The following VIPR1 variants were observed in gnomAD, a reference collection of about 807,000 sequenced individuals.
The protein encoded by VIPR1 is vasoactive intestinal polypeptide receptor 1.
Under a neutral mutation model 58.8 loss-of-function variants are expected in VIPR1, and 59 were observed. The ratio of observed to expected loss-of-function variants is 1.00; its 90% confidence interval spans 0.81 to 1.25. The LOEUF (loss-of-function observed/expected upper bound fraction) is 1.25, where lower values mean the gene tolerates loss of function less well. Among genes scored for constraint, VIPR1 ranks in the 50% most tolerant of loss-of-function variants. VIPR1 has a pLI of 0.00. For synonymous variants in VIPR1, 251 were observed against 242.1 expected (o/e 1.04, Z -0.34); for missense variants, 626 against 602.7 (o/e 1.04, Z -0.40).
intron 4 of VIPR1, 108 bp downstream of exon 4, chr3:42,526,101 C>T: frequency 3.7e-6 from 4 of 1,068,888 alleles, no homozygotes; most frequent in Non-Finnish European, 5.4e-6. Flanking sequence ...GGGAACAGGA[C>T]TCCTGGAGTC....
chr3:42,514,340 A>T (rs922122002), intron 2 of VIPR1, among the ~76,000 whole-genome samples: 1 of 152,130 alleles, frequency 6.6e-6, no homozygotes, highest in Non-Finnish European at 1.5e-5. Context: ...AGGCACATTC[A>T]GTCACAATAT....
In VIPR1 at chr3:42,535,497, G is replaced by A. The variant is rs1038503411; in HGVS notation, c.1182+113G>A. 6 of 1,196,540 alleles carry A rather than the reference G, an allele frequency of 5.0e-6. No individual in the cohort carries two copies. In the African/African-American group the frequency reaches 7.5e-5, roughly 15 times the overall value. 74.1% of individuals were successfully genotyped at this position (1,196,540 alleles called of 1,614,324 possible). ...GACGGGTTAAACCTTGCTGCTCCAA[G>A]TATGGTCCTCAAACTAGTAGCACTG... is the stretch of plus-strand genomic sequence containing the variant. On this transcript the variant is annotated intron_variant, in intron 12 of 12. Transcript: ENST00000325123.
intron 10 of VIPR1, 103 bp from the exon 11 acceptor site, chr3:42,534,872 A>AT: frequency 6.9e-7 from 1 of 1,455,022 alleles, no homozygotes; most frequent in South Asian, 1.3e-5. Flanking sequence ...CTTCCTGGTC[A>AT]TTGTCCCCAT....
At chr3:42,517,986 A>G (rs1700721300) in intron 2 of VIPR1, among the ~76,000 whole-genome samples, 1 of 152,012 alleles carries the variant, frequency 6.6e-6, no homozygotes, top group African/African-American at 2.4e-5. Context: ...GGTGATGAGT[A>G]TATTGGGATG....
chr3:42,513,658 C>A, intron 1 of VIPR1, 91 bp from the exon 2 acceptor site: 1 of 1,356,594 alleles, frequency 7.4e-7, no homozygotes, highest in Non-Finnish European at 1.0e-6. Flanking sequence ...GGATCTCTTC[C>A]AGGGAGAGGG....
upstream of VIPR1, among the ~76,000 whole-genome samples, chr3:42,501,456 G>C (rs1316841304): frequency 6.6e-6 from 1 of 152,146 alleles, no homozygotes; most frequent in Non-Finnish European, 1.5e-5. The surrounding 1 kb of genome is among the most constrained non-coding windows in gnomAD (Gnocchi z 4.8). Context: ...TCTGTCACAC[G>C]GCTCCGCCAG....
chr3:42,498,391 A>G (rs1366178918), upstream of VIPR1, among the ~76,000 whole-genome samples: 3 of 152,174 alleles, frequency 2.0e-5, no homozygotes, highest in African/African-American at 7.2e-5. Context: ...TCTGCAATGC[A>G]GTCTGAGTTT....
intron 7 of VIPR1, 42 bp downstream of exon 7, chr3:42,530,974 G>T (rs762768185): frequency 3.1e-6 from 5 of 1,608,784 alleles, no homozygotes; most frequent in Non-Finnish European, 8.5e-7. Context: ...GACAGAGGGG[G>T]CAAGGCCTGG....
Position 42,535,227 on chromosome 3 carries a change from C to T in VIPR1, c.1141-116C>T, listed in dbSNP as rs537657980. The T allele has an allele frequency of 4.4e-6, 7 of 1,591,682 alleles. No individual in the cohort carries two copies. In the East Asian group the frequency reaches 1.6e-4, roughly 36 times the overall value. On this transcript the variant is annotated intron_variant, in intron 11 of 12. Coordinates refer to ENST00000325123, the MANE Select transcript of VIPR1 (RefSeq NM_004624.4). ...GTAATAAGTATTAGATAAGCACCTACTTTGTGCTTAGCTCTTTCCTTAACC... is the reference window on the plus strand; with the variant it reads ...GTAATAAGTATTAGATAAGCACCTATTTTGTGCTTAGCTCTTTCCTTAACC...
Position 42,531,874 on chromosome 3 carries a change from G to C in VIPR1, c.918+5G>C. 6.2e-7 allele frequency: 1 copy of C among 1,614,116 alleles called. No individual in the cohort carries two copies. The highest frequency in any genetic ancestry group is 8.5e-7 in the Non-Finnish European group (1 of 1,180,004). On this transcript the variant is annotated splice_donor_5th_base_variant and intron_variant, in intron 9 of 12. Coordinates refer to ENST00000325123, the MANE Select transcript of VIPR1 (RefSeq NM_004624.4). ...CCCATCCTCACCTCCATCTTGGTAA[G>C]ATACCCTCCCACCACCTAGAGATGG... is the stretch of plus-strand genomic sequence containing the variant.
At position 42,502,734 on chromosome 3, in the gene VIPR1, C is replaced by A; in HGVS notation, c.-2C>A. ...CCGCCCGCCGCGGGCTCAGGGCAGA[C>A]CATGCGCCCGCCAAGTCCGCTGCCC... On this transcript the variant is annotated 5_prime_UTR_variant, in exon 1 of 13. Coordinates refer to ENST00000325123, the MANE Select transcript of VIPR1 (RefSeq NM_004624.4). 1 of 1,321,220 alleles carries A rather than the reference C, an allele frequency of 7.6e-7. No individual in the cohort carries two copies. Among genetic ancestry groups the A allele is most frequent in the Non-Finnish European group, 9.6e-7 (1 of 1,038,776 alleles). The allele number at this position is 1,321,220 out of a possible 1,614,324, so 81.8% of individuals were successfully genotyped here.
chr3:42,496,238 A>T (rs1034722170), intron 1 of VIPR1, among the ~76,000 whole-genome samples: 2 of 152,182 alleles, frequency 1.3e-5, no homozygotes, highest in African/African-American at 2.4e-5. Context: ...TCAAAAAAAA[A>T]GCTAATACAT....
intron 2 of VIPR1, among the ~76,000 whole-genome samples, chr3:42,517,171 G>A (rs1449053876): frequency 6.6e-6 from 1 of 152,222 alleles, no homozygotes; most frequent in Non-Finnish European, 1.5e-5. Context: ...TGGCCTGACT[G>A]CTGCAGCCCC....
intron 1 of VIPR1, among the ~76,000 whole-genome samples, chr3:42,495,873 A>C (rs1699749841): frequency 6.6e-6 from 1 of 151,898 alleles, no homozygotes; most frequent in Non-Finnish European, 1.5e-5. Context: ...AACCTGACTG[A>C]ACTTGGAAGA....
intron 8 of VIPR1, 118 bp downstream of exon 8, chr3:42,531,649 G>C (rs1183859558): frequency 7.7e-6 from 12 of 1,559,496 alleles, no homozygotes; most frequent in African/African-American, 1.4e-5. Flanking sequence ...TCGGGCCAGA[G>C]GGGAGGCTGG....
chr3:42,489,359 G>A (rs1699626550), exon 1 of VIPR1: 1 of 152,216 alleles, frequency 6.6e-6, no homozygotes, highest in African/African-American at 2.4e-5. Context: ...AAAAGCCCCA[G>A]GGCTGATGCT....
At position 42,528,132 on chromosome 3, in the gene VIPR1, C is replaced by T. The variant is rs763914588; in HGVS notation, c.636+9C>T. The T allele has an allele frequency of 1.4e-5, 22 of 1,611,590 alleles. No individual in the cohort carries two copies. Among genetic ancestry groups the T allele is most frequent in the Non-Finnish European group, 1.7e-5 (20 of 1,178,978 alleles). Reference sequence around the variant, plus strand: ...AGTGCTCCGAGGGCTCGGTGAGGATCCTGGCCCTGGCCCACCTCCCTCAGT... The same window carrying T: ...AGTGCTCCGAGGGCTCGGTGAGGATTCTGGCCCTGGCCCACCTCCCTCAGT... On this transcript the variant is annotated intron_variant, in intron 6 of 12. Coordinates refer to ENST00000325123, the MANE Select transcript of VIPR1 (RefSeq NM_004624.4).
intron 1 of VIPR1, among the ~76,000 whole-genome samples, chr3:42,503,817 T>A (rs552963607): frequency 6.6e-6 from 1 of 152,210 alleles, no homozygotes; most frequent in Admixed American, 6.5e-5. Flanking sequence ...TAATCTAGAG[T>A]TGCTGCTTAG....
intron 2 of VIPR1, among the ~76,000 whole-genome samples, chr3:42,514,574 TAC>T (rs61680265): frequency 7.7e-6 from 1 of 130,176 alleles, no homozygotes; most frequent in Non-Finnish European, 1.6e-5. Flanking sequence ...CACACACACA[TAC>T]ACACACGCCC....
Sources: gnomAD v4.1 joint callset for allele counts (sites outside exome capture counted in the v4.1 genomes callset) on GRCh38, gnomAD v4.1.1 for gene constraint, Gnocchi (gnomAD v3.1) non-coding constraint, MANE v1.5 for transcripts, NCBI Gene and HGNC (gene_info 2026-07-23, HGNC 2026-07-21) for gene names.